FAM161B: variants seen among roughly 807,000 people sequenced by gnomAD.
FAM161B encodes the protein protein FAM161B.
FAM161B carries 46 observed loss-of-function variants against 61.5 expected under a neutral mutation model. That is an observed-to-expected ratio of 0.75 (90% CI 0.59 to 0.96). FAM161B has a LOEUF of 0.96. FAM161B is among the 40% of genes least tolerant of loss of function. FAM161B has a pLI of 0.00. For synonymous variants in FAM161B, 284 were observed against 302.7 expected (o/e 0.94, Z 0.64); for missense variants, 774 against 800.7 (o/e 0.97, Z 0.40).
At position 73,935,754 on chromosome 14, in the gene FAM161B, A is replaced by G. The variant is rs79180967; in HGVS notation, c.1805+195T>C. 9.0e-3 allele frequency among the ~76,000 whole-genome samples: 1,369 copies of G among 152,320 alleles called. 12 individuals are homozygous for G. Among genetic ancestry groups the G allele is most frequent in the African/African-American group, 0.031 (1,306 of 41,570 alleles). ...GGAAGAAAACGAAACATAATTTGTCAGATTTTATTCACAACTGCATCACTC... is the reference window on the plus strand; with the variant it reads ...GGAAGAAAACGAAACATAATTTGTCGGATTTTATTCACAACTGCATCACTC... On this transcript the variant is annotated intron_variant, in intron 8 of 8. Transcript: ENST00000286544.
downstream of FAM161B, chr14:73,931,770 C>A: frequency 3.7e-6 from 2 of 535,168 alleles, no homozygotes; most frequent in Non-Finnish European, 3.4e-6. Context: ...GGCTGGGAAA[C>A]TGTACCTACC....
downstream of FAM161B, chr14:73,931,590 C>T (rs375352012): frequency 2.8e-5 from 44 of 1,566,724 alleles, no homozygotes; most frequent in South Asian, 5.6e-5. Flanking sequence ...TCTCAAAATG[C>T]GTATACTGGG....
At chr14:73,949,437 C>G (rs1410068920) in intron 1 of FAM161B, among the ~76,000 whole-genome samples, 1 of 151,964 alleles carries the variant, frequency 6.6e-6, no homozygotes, top group Non-Finnish European at 1.5e-5. Flanking sequence ...CCAGCCTGGT[C>G]TCGATCTCTT....
In FAM161B at chr14:73,950,029, C is replaced by A. The variant is rs1878774730; in HGVS notation, c.-3G>T. 1.2e-6 allele frequency: 2 copies of A among 1,612,342 alleles called. No homozygotes were observed. The highest frequency in any genetic ancestry group is 1.3e-5 in the African/African-American group (1 of 74,936). The stretch of plus-strand genomic sequence containing the variant: ...CCCTCAGGCCTCCCCACGGTCATTT[C>A]AGCTGGACAGAGGCAGCAGCGACAG... On this transcript the variant is annotated 5_prime_UTR_variant, in exon 1 of 9. Coordinates refer to ENST00000286544, the MANE Select transcript of FAM161B (RefSeq NM_152445.3).
intron 5 of FAM161B, among the ~76,000 whole-genome samples, chr14:73,938,413 C>T (rs1049663272): frequency 2.6e-5 from 4 of 151,768 alleles, no homozygotes; most frequent in Non-Finnish European, 4.4e-5. Context: ...AAGCCAAGAT[C>T]GCACTGCTGC....
intron 5 of FAM161B, among the ~76,000 whole-genome samples, 199 bp downstream of exon 5, chr14:73,940,727 T>G (rs2140345312): frequency 6.6e-6 from 1 of 152,356 alleles, no homozygotes; most frequent in East Asian, 1.9e-4. Context: ...AAGCCCACTA[T>G]GAATATGTGC....
At chr14:73,939,264 A>C (rs1265167438) in intron 5 of FAM161B, among the ~76,000 whole-genome samples, 2 of 152,140 alleles carry the variant, frequency 1.3e-5, no homozygotes, top group Non-Finnish European at 2.9e-5. Flanking sequence ...GCGCCATTGC[A>C]CTCCAGCATG....
At position 73,934,396 on chromosome 14, in the gene FAM161B, T is replaced by C. The variant is rs1455950127; in HGVS notation, c.1806-2A>G. On this transcript the variant is annotated splice_acceptor_variant, in intron 8 of 8. Transcript: ENST00000286544. LOFTEE classifies it high-confidence loss of function. Reference sequence around the variant, plus strand: ...CTGAGTTTTGTAGTTTCTTGGAACCTGCAGAATAAATTAAAACATGAAAAA... The same window carrying C: ...CTGAGTTTTGTAGTTTCTTGGAACCCGCAGAATAAATTAAAACATGAAAAA... 6.3e-7 allele frequency: 1 copy of C among 1,589,906 alleles called. No homozygotes were observed. Among genetic ancestry groups the C allele is most frequent in the African/African-American group, 1.4e-5 (1 of 72,954 alleles).
chr14:73,931,572 CTATCTGATCTCAAAATGCGTA>C, downstream of FAM161B: 1 of 1,605,538 alleles, frequency 6.2e-7, no homozygotes, highest in East Asian at 2.2e-5. Context: ...AAGAGCAACT[CTATCTGATCTCAAAATGCGTA>C]TACTGGGAAC....
Position 73,934,181 on chromosome 14 carries a change from A to T in FAM161B, c.*75T>A, listed in dbSNP as rs1318692434. On this transcript the variant is annotated 3_prime_UTR_variant, in exon 9 of 9. Coordinates refer to ENST00000286544, the MANE Select transcript of FAM161B (RefSeq NM_152445.3). ...AACAGTAGCCATGACTCAAAACCCA[A>T]GTTTTCCCTGCCTTGACTCAAACCC... The T allele has an allele frequency of 1.3e-6, 2 of 1,549,346 alleles. No individual in the cohort carries two copies. The highest frequency in any genetic ancestry group is 1.7e-6 in the Non-Finnish European group (2 of 1,147,550).
the FAM161B span, among the ~76,000 whole-genome samples, chr14:73,926,088 T>TG: frequency 1.1e-4 from 17 of 152,284 alleles, no homozygotes; most frequent in South Asian, 3.1e-3. Context: ...TCTTTCCTCC[T>TG]TTTGTTGTTG....
chr14:73,940,830 A>G, intron 5 of FAM161B, 96 bp downstream of exon 5: 1 of 1,483,866 alleles, frequency 6.7e-7, no homozygotes, highest in Non-Finnish European at 9.0e-7. Context: ...CCCTTGAGGT[A>G]TCTCTGATAA....
chr14:73,944,586 A>T lies in FAM161B; in HGVS notation c.674T>A (p.Val225Asp). Residue 225 changes from valine (V) to aspartate (D), a missense_variant, in exon 3 of 9, where the codon GTC (valine) becomes GAC (aspartate). Physicochemically the swap from Val to Asp is radical, Grantham distance 152 (BLOSUM62 -3). Coordinates refer to ENST00000286544, the MANE Select transcript of FAM161B (RefSeq NM_152445.3). ...QFRAQPVPAH[V>D]YLPLYQEIME... ...GATCTCTTGGTAGAGGGGCAGGTAG[A>T]CATGTGCAGGCACAGGCTGTGCCCG... 1 of 1,614,058 alleles carries T rather than the reference A, an allele frequency of 6.2e-7. No homozygotes were observed. Among genetic ancestry groups the T allele is most frequent in the Non-Finnish European group, 8.5e-7 (1 of 1,180,000 alleles).
At chr14:73,926,127 C>T in the FAM161B span, among the ~76,000 whole-genome samples, 2 of 152,194 alleles carry the variant, frequency 1.3e-5, no homozygotes, top group African/African-American at 4.8e-5. Flanking sequence ...TATTTCAAAG[C>T]AAATTGTAGG....
chr14:73,923,523 G>A, the FAM161B span: 1 of 1,611,914 alleles, frequency 6.2e-7, no homozygotes, highest in African/African-American at 1.3e-5. Flanking sequence ...TCCACAAGAG[G>A]TAAAGTGGTC....
At position 73,932,774 on chromosome 14, in the gene FAM161B, A is replaced by G. The variant is rs556720137; in HGVS notation, c.*1482T>C. On this transcript the variant is annotated 3_prime_UTR_variant, in exon 9 of 9. Coordinates refer to ENST00000286544, the MANE Select transcript of FAM161B (RefSeq NM_152445.3). ...TGAATAGCTAGGACTATAGGCATGT[A>G]CCACCAGTCCAGCTAACTTTTTGTG... 8.1e-4 allele frequency: 189 copies of G among 234,106 alleles called. No individual in the cohort carries two copies. Among genetic ancestry groups the G allele is most frequent in the Middle Eastern group, 3.3e-3 (2 of 602 alleles). 14.5% of individuals were successfully genotyped at this position (234,106 alleles called of 1,614,324 possible).
chr14:73,946,304 T>C lies in FAM161B; in HGVS notation c.356A>G (p.Gln119Arg). 2.5e-6 allele frequency: 4 copies of C among 1,613,368 alleles called. No individual in the cohort carries two copies. Among genetic ancestry groups the C allele is most frequent in the African/African-American group, 1.3e-5 (1 of 75,042 alleles). Residue 119 changes from glutamine to arginine, a missense_variant, in exon 2 of 9, where the codon CAG (glutamine) becomes CGG (arginine). Coordinates refer to ENST00000286544, the MANE Select transcript of FAM161B (RefSeq NM_152445.3). ...QDKDRGMVQV[Q>R]CPQALRCGST... ...GCCTTACCTCAGAGCCTGCGGGCACTGGACCTGCACCATCCCCCTGTCCTT... is the reference window on the plus strand; with the variant it reads ...GCCTTACCTCAGAGCCTGCGGGCACCGGACCTGCACCATCCCCCTGTCCTT...
At chr14:73,926,288 T>C in the FAM161B span, among the ~76,000 whole-genome samples, 14 of 152,300 alleles carry the variant, frequency 9.2e-5, no homozygotes, top group East Asian at 2.5e-3. Context: ...CCCTCAAAAA[T>C]ATCTTATGGT....
chr14:73,946,450 G>C lies in FAM161B; in HGVS notation c.210C>G (p.Asn70Lys), dbSNP rs756100444. 4 of 1,614,068 alleles carry C rather than the reference G, an allele frequency of 2.5e-6. No individual in the cohort carries two copies. The African/African-American group carries it at 5.3e-5, about 22-fold the overall frequency. Residue 70 changes from asparagine to lysine, a missense_variant, in exon 2 of 9, where the codon AAC becomes AAG. By Grantham distance (94) the Asn-to-Lys change is moderately conservative (BLOSUM62 0). Transcript: ENST00000286544. ...TCCCTTTCTGCTTCAGTTCCTGTAA[G>C]TTCTGGTAAATGCTCCCAGTTGAGT... Reference protein sequence around the residue: ...TSDSTGSIYQNLQELKQKGRW... With the variant: ...TSDSTGSIYQKLQELKQKGRW...
Sources: gnomAD v4.1 joint callset for allele counts (sites outside exome capture counted in the v4.1 genomes callset) on GRCh38, gnomAD v4.1.1 for gene constraint, MANE v1.5 for transcripts, NCBI Gene and HGNC (gene_info 2026-07-23, HGNC 2026-07-21) for gene names.